WNK1: variants seen among roughly 807,000 people sequenced by gnomAD.
WNK1 encodes serine/threonine-protein kinase WNK1.
A neutral mutation model predicts 222.8 loss-of-function variants in WNK1; 38 were observed. That is an observed-to-expected ratio of 0.17 (90% confidence interval 0.13 to 0.22). The LOEUF (loss-of-function observed/expected upper bound fraction) is 0.22, where lower values mean the gene tolerates loss of function less well. Among genes scored for constraint, WNK1 ranks in the 10% least tolerant of loss-of-function variants. The pLI is 1.00. For synonymous variants in WNK1, 1,090 were observed against 1,092.9 expected (o/e 1.00, Z 0.05); for missense variants, 2,348 against 2,918.4 (o/e 0.80, Z 4.50).
At position 760,257 on chromosome 12, in the gene WNK1, GTATT is replaced by G. The variant is rs1395812745; in HGVS notation, c.759+5941_759+5944del. Among the ~76,000 whole-genome samples the G allele has an allele frequency of 6.1e-5, 9 of 147,422 alleles. 1 individual carries two copies. The highest frequency in any genetic ancestry group is 1.2e-4 in the Non-Finnish European group (8 of 66,092). On this transcript the variant is annotated intron_variant, in intron 1 of 27. Coordinates refer to ENST00000315939, the MANE Select transcript of WNK1 (RefSeq NM_018979.4). Reference sequence around the variant, plus strand: ...GTGGATCTCATATATAATTCTTATAGTATTTATTTATCATATTGAAATTGTTTAT... The same window carrying G: ...GTGGATCTCATATATAATTCTTATAGTATTTATCATATTGAAATTGTTTAT...
intron 1 of WNK1, among the ~76,000 whole-genome samples, chr12:795,128 C>T (rs1413502185): frequency 3.3e-5 from 5 of 151,968 alleles, no homozygotes; most frequent in African/African-American, 4.8e-5. Flanking sequence ...TCATAGAATT[C>T]CTCTTATATT....
intron 2 of WNK1, among the ~76,000 whole-genome samples, chr12:824,681 G>A (rs571844422): frequency 1.9e-3 from 281 of 151,668 alleles, no homozygotes; most frequent in Middle Eastern, 0.01. Context: ...AAAAAAGAGA[G>A]AAGTAATATA....
intron 4 of WNK1, among the ~76,000 whole-genome samples, chr12:846,134 G>A (rs908663452): frequency 4.0e-4 from 61 of 152,114 alleles, no homozygotes; most frequent in African/African-American, 1.4e-3. Flanking sequence ...AGACCGCAAG[G>A]AAAACTGAGG....
At position 861,009 on chromosome 12, in the gene WNK1, G is replaced by A. The variant is rs1198532127; in HGVS notation, c.1621-4G>A. ...ACTGCTTAATTTACCCTTTTATTCTGTAGGTAGAGTCTGGGTATGTCTGTG... is the reference window on the plus strand; with the variant it reads ...ACTGCTTAATTTACCCTTTTATTCTATAGGTAGAGTCTGGGTATGTCTGTG... On this transcript the variant is annotated splice_polypyrimidine_tract_variant and splice_region_variant and intron_variant, in intron 6 of 27. Coordinates refer to ENST00000315939, the MANE Select transcript of WNK1 (RefSeq NM_018979.4). 6.2e-7 allele frequency: 1 copy of A among 1,612,260 alleles called. No individual in the cohort carries two copies. The highest frequency in any genetic ancestry group is 8.5e-7 in the Non-Finnish European group (1 of 1,179,608).
chr12:856,578 G>A (rs1180825779), intron 4 of WNK1, among the ~76,000 whole-genome samples: 1 of 152,128 alleles, frequency 6.6e-6, no homozygotes, highest in African/African-American at 2.4e-5. Context: ...GAGATTAATT[G>A]CAGAGCTTGT....
intron 11 of WNK1, 97 bp from the exon 12 acceptor site, chr12:880,624 C>A: frequency 7.8e-7 from 1 of 1,284,462 alleles, no homozygotes; most frequent in Non-Finnish European, 1.1e-6. Flanking sequence ...TTCTTCTTTG[C>A]TGTGTGCTTC....
At chr12:878,409 AG>A (rs1225729213) in intron 10 of WNK1, 48 bp downstream of exon 10, 2 of 1,581,368 alleles carry the variant, frequency 1.3e-6, no homozygotes, top group Non-Finnish European at 1.7e-6. Context: ...AATTTCTGAA[AG>A]GGTGCTAAAA....
intron 24 of WNK1, 65 bp from the exon 25 acceptor site, chr12:897,414 T>G: frequency 9.7e-7 from 1 of 1,034,706 alleles, no homozygotes; most frequent in Non-Finnish European, 1.5e-6. Flanking sequence ...AGGAATATGC[T>G]GTTAATTCTT....
chr12:879,438 G>T, intron 10 of WNK1, 135 bp from the exon 11 acceptor site: 1 of 686,360 alleles, frequency 1.5e-6, no homozygotes, highest in Non-Finnish European at 2.4e-6. Context: ...GGGTTTTGTT[G>T]GTTTGGTGTT....
chr12:883,303 T>C, intron 15 of WNK1, 92 bp from the exon 16 acceptor site: 3 of 1,405,174 alleles, frequency 2.1e-6, no homozygotes, highest in Non-Finnish European at 2.0e-6. Context: ...AATAAAAATA[T>C]AGGTAAGTAT....
chr12:871,983 T>A (rs923303011), intron 9 of WNK1, among the ~76,000 whole-genome samples: 1 of 152,234 alleles, frequency 6.6e-6, no homozygotes, highest in Non-Finnish European at 1.5e-5. Flanking sequence ...CAGTGATTTG[T>A]CATTACCTTC....
chr12:816,295 G>C (rs1228293976), intron 2 of WNK1, among the ~76,000 whole-genome samples: 1 of 151,888 alleles, frequency 6.6e-6, no homozygotes, highest in Non-Finnish European at 1.5e-5. Context: ...TTGGAGACAG[G>C]GTCTCACTCG....
Position 752,891 on chromosome 12 carries a change from G to T in WNK1, c.-675G>T, listed in dbSNP as rs1454694553. On this transcript the variant is annotated 5_prime_UTR_variant, in exon 1 of 28. Coordinates refer to ENST00000315939, the MANE Select transcript of WNK1 (RefSeq NM_018979.4). ...GCGGGGAGGCCTCGGGGAAGGGGGGGCCCGCTCCTCAGGCGCCGAGGCTCC... is the reference window on the plus strand; with the variant it reads ...GCGGGGAGGCCTCGGGGAAGGGGGGTCCCGCTCCTCAGGCGCCGAGGCTCC... 1.3e-5 allele frequency: 2 copies of T among 152,144 alleles called. No individual in the cohort carries two copies. Among genetic ancestry groups the T allele is most frequent in the African/African-American group, 2.4e-5 (1 of 41,428 alleles). 9.4% of individuals were successfully genotyped at this position (152,144 alleles called of 1,614,324 possible).
intron 22 of WNK1, among the ~76,000 whole-genome samples, chr12:894,319 G>A (rs931555482): frequency 6.6e-6 from 1 of 152,102 alleles, no homozygotes; most frequent in African/African-American, 2.4e-5. Context: ...AGTTTTTAAA[G>A]CCTGTTAACC....
chr12:754,060 A>G lies in WNK1; in HGVS notation c.495A>G (p.Pro165=), dbSNP rs1363517583. 1.9e-6 allele frequency: 3 copies of G among 1,603,012 alleles called. No homozygotes were observed. The highest frequency in any genetic ancestry group is 1.7e-5 in the Admixed American group (1 of 57,556). Residue 165 remains proline (P), a synonymous_variant, in exon 1 of 28, where the codon CCA becomes CCG. Coordinates refer to ENST00000315939, the MANE Select transcript of WNK1 (RefSeq NM_018979.4). The part of the protein sequence containing the change: ...TVPSSTSKDR[P]VSQPSLVGSK... Reference sequence around the variant, plus strand: ...CCAGCAGTACCAGCAAAGACCGCCCAGTGTCCCAGCCTAGCCTTGTGGGGA... The same window carrying G: ...CCAGCAGTACCAGCAAAGACCGCCCGGTGTCCCAGCCTAGCCTTGTGGGGA...
Position 760,311 on chromosome 12 carries a change from T to C in WNK1, c.759+5987T>C, listed in dbSNP as rs1940838155. On this transcript the variant is annotated intron_variant, in intron 1 of 27. Coordinates refer to ENST00000315939, the MANE Select transcript of WNK1 (RefSeq NM_018979.4). ...TATATTTTGTCTAATCCATTAGTCTTTGGAAAGTTCACTATGGTGTAATAG... is the reference window on the plus strand; with the variant it reads ...TATATTTTGTCTAATCCATTAGTCTCTGGAAAGTTCACTATGGTGTAATAG... Among the ~76,000 whole-genome samples the C allele has an allele frequency of 4.1e-5, 6 of 147,774 alleles. 2 individuals carry two copies. Among genetic ancestry groups the C allele is most frequent in the Admixed American group, 3.4e-4 (5 of 14,904 alleles).
intron 2 of WNK1, among the ~76,000 whole-genome samples, chr12:823,534 A>G (rs1376644477): frequency 1.3e-5 from 2 of 152,174 alleles, no homozygotes; most frequent in African/African-American, 4.8e-5. Flanking sequence ...GTGTTCGCAT[A>G]TGCTGTTGAA....
intron 1 of WNK1, among the ~76,000 whole-genome samples, chr12:764,550 C>T (rs942731732): frequency 5.1e-5 from 7 of 137,546 alleles, no homozygotes; most frequent in African/African-American, 1.3e-4. Context: ...GCAGAAGAAT[C>T]GCTTGAACCG....
intron 2 of WNK1, among the ~76,000 whole-genome samples, chr12:815,135 T>C (rs1160881753): frequency 1.3e-5 from 2 of 152,174 alleles, no homozygotes; most frequent in Non-Finnish European, 2.9e-5. Context: ...CCTCCTGCTG[T>C]GTGGCCAGGT....
Sources: allele counts gnomAD v4.1 joint callset (sites outside exome capture counted in the v4.1 genomes callset), GRCh38; gene constraint gnomAD v4.1.1; transcripts MANE v1.5; gene names NCBI Gene and HGNC (gene_info 2026-07-23, HGNC 2026-07-21).